Variants in LGALS9 observed in about 807,000 individuals in gnomAD.
LGALS9 encodes the protein galectin 9.
In LGALS9, 26 loss-of-function variants were observed where a neutral mutation model predicts 35.9. That is an observed-to-expected ratio of 0.72 (90% CI 0.53 to 1.01). The LOEUF (loss-of-function observed/expected upper bound fraction) is 1.01. Among genes scored for constraint, LGALS9 ranks in the 50% least tolerant of loss-of-function variants. The pLI, the probability that LGALS9 is intolerant of heterozygous loss-of-function variation, is 0.00. For synonymous variants in LGALS9, 149 were observed against 172.2 expected, an observed-to-expected ratio of 0.87 and a Z score of 1.06; for missense variants, 347 against 445.8, an observed-to-expected ratio of 0.78 and a Z score of 1.99.
At chr17:27,634,999 A>T (rs997853929) in intron 1 of LGALS9, among the ~76,000 whole-genome samples, 2 of 152,132 alleles carry the variant, frequency 1.3e-5, no homozygotes, top group African/African-American at 4.8e-5. Context: ...TTTCTTTTTA[A>T]GGCTACACAG....
At chr17:27,646,820 A>G (rs1490213268) in intron 8 of LGALS9, among the ~76,000 whole-genome samples, 1 of 152,186 alleles carries the variant, frequency 6.6e-6, no homozygotes, top group African/African-American at 2.4e-5. Flanking sequence ...CACCCCACGA[A>G]ACGAGTCTTT....
intron 1 of LGALS9, among the ~76,000 whole-genome samples, chr17:27,635,916 C>T (rs2074445411): frequency 6.6e-6 from 1 of 152,150 alleles, no homozygotes; most frequent in African/African-American, 2.4e-5. Context: ...ACTCTCCTTC[C>T]CCTACACTGC....
At chr17:27,641,052 G>A (rs1484325826) in intron 3 of LGALS9, 6 of 645,548 alleles carry the variant, frequency 9.3e-6, no homozygotes, top group Non-Finnish European at 1.7e-5. Context: ...TGAATTCCAA[G>A]CTCATTCCAT....
intron 1 of LGALS9, among the ~76,000 whole-genome samples, chr17:27,637,795 C>T (rs1040069372): frequency 6.6e-6 from 1 of 152,156 alleles, no homozygotes; most frequent in African/African-American, 2.4e-5. Context: ...CTTGATGGGT[C>T]CCTTTGGTCC....
chr17:27,640,683 C>A lies in LGALS9; in HGVS notation c.243C>A (p.Ser81Arg), dbSNP rs773467163. The A allele has an allele frequency of 6.2e-7, 1 of 1,614,152 alleles. No individual in the cohort carries two copies. Among genetic ancestry groups the A allele is most frequent in the Non-Finnish European group, 8.5e-7 (1 of 1,180,050 alleles). Residue 81 changes from serine to arginine, a missense_variant, in exon 3 of 11, where the codon AGC becomes AGA. Ser to Arg is a moderately radical substitution (Grantham distance 110). Transcript: ENST00000395473. ...TGTGCAACACGAGGCAGAACGGAAG[C>A]TGGGGGCCCGAGGAGAGGAAGACAC... ...YVVCNTRQNG[S>R]WGPEERKTHM...
At chr17:27,646,498 C>T (rs749209890) in intron 7 of LGALS9, 49 bp from the exon 8 acceptor site, 18 of 1,611,456 alleles carry the variant, frequency 1.1e-5, no homozygotes, top group Admixed American at 1.7e-5. Flanking sequence ...GGTGAGTGCT[C>T]GCGCACCCAT....
rs767405449 is a variant in LGALS9, at chr17:27,631,221, C to T, written c.-45C>T. 4 of 1,613,812 alleles carry T rather than the reference C, an allele frequency of 2.5e-6. No individual in the cohort carries two copies. In the Admixed American group the frequency reaches 6.7e-5, roughly 27 times the overall value. On this transcript the variant is annotated 5_prime_UTR_variant, in exon 1 of 11. Transcript: ENST00000395473. ...AGTCGTTCCCTCTACAAAGGACTTC[C>T]TAGTGGGTGTGAAAGGCAGCGGTGG...
intron 2 of LGALS9, among the ~76,000 whole-genome samples, chr17:27,639,972 G>A (rs1356546501): frequency 6.6e-6 from 1 of 152,054 alleles, no homozygotes; most frequent in Non-Finnish European, 1.5e-5. Flanking sequence ...TCCAGACCTC[G>A]TGATCCACAT....
intron 10 of LGALS9, among the ~76,000 whole-genome samples, chr17:27,647,755 G>A (rs1276913556): frequency 1.3e-5 from 2 of 152,328 alleles, no homozygotes; most frequent in Admixed American, 6.5e-5. Flanking sequence ...TTTTCTTGTC[G>A]CCTGCTTTGC....
At chr17:27,643,439 C>T (rs1904671794) in intron 4 of LGALS9, 86 bp from the exon 5 acceptor site, 22 of 1,584,840 alleles carry the variant, frequency 1.4e-5, no homozygotes, top group Middle Eastern at 2.3e-4. Context: ...CCTGGTCTCT[C>T]CCTCTTGCCC....
intron 8 of LGALS9, 141 bp downstream of exon 8, chr17:27,646,729 C>A (rs564796578): frequency 2.8e-5 from 39 of 1,413,172 alleles, no homozygotes; most frequent in South Asian, 2.7e-4. Flanking sequence ...AGCATCCCAG[C>A]GAATTAGAAG....
In LGALS9 at chr17:27,647,075, A is replaced by C; in HGVS notation, c.715A>C (p.Lys239Gln). Reference sequence around the variant, plus strand: ...CATTCTGGGAGGGCTGTACCCATCCAAGTCCATCCTCCTGTCAGGCACTGT... The same window carrying C: ...CATTCTGGGAGGGCTGTACCCATCCCAGTCCATCCTCCTGTCAGGCACTGT... ...TTILGGLYPS[K>Q]SILLSGTVLP... Residue 239 changes from lysine (K) to glutamine (Q), a missense_variant, in exon 9 of 11, where the codon AAG becomes CAG. Physicochemically the swap from Lys to Gln is moderately conservative, Grantham distance 53. Transcript: ENST00000395473. The C allele has an allele frequency of 6.2e-7, 1 of 1,614,092 alleles. No individual in the cohort carries two copies. Among genetic ancestry groups the C allele is most frequent in the East Asian group, 2.2e-5 (1 of 44,886 alleles).
At chr17:27,647,174 A>T (rs1415293534) in intron 9 of LGALS9, 56 bp downstream of exon 9, 22 of 1,613,932 alleles carry the variant, frequency 1.4e-5, no homozygotes, top group Non-Finnish European at 1.8e-5. Flanking sequence ...AGGTCAGTCC[A>T]GCCATTCCCC....
intron 1 of LGALS9, among the ~76,000 whole-genome samples, chr17:27,637,984 T>C (rs980415937): frequency 8.5e-5 from 13 of 152,100 alleles, no homozygotes; most frequent in Non-Finnish European, 7.4e-5. Context: ...CCACTGCCTC[T>C]TAGACTCTCA....
At chr17:27,636,220 G>A (rs1283445740) in intron 1 of LGALS9, among the ~76,000 whole-genome samples, 1 of 152,186 alleles carries the variant, frequency 6.6e-6, no homozygotes, top group Non-Finnish European at 1.5e-5. Context: ...AATTTGGCTG[G>A]TGGGTGTTTT....
At chr17:27,641,532 G>A (rs567511931) in intron 3 of LGALS9, among the ~76,000 whole-genome samples, 8 of 152,254 alleles carry the variant, frequency 5.3e-5, no homozygotes, top group African/African-American at 9.6e-5. Flanking sequence ...GGGCCTGGTC[G>A]GAGAGGGAGA....
rs1364697519 is a variant in LGALS9, at chr17:27,642,276, C to T, written c.372C>T (p.His124=). 1 of 1,612,878 alleles carries T rather than the reference C, an allele frequency of 6.2e-7. No individual in the cohort carries two copies. The highest frequency in any genetic ancestry group is 8.5e-7 in the Non-Finnish European group (1 of 1,179,828). The stretch of plus-strand genomic sequence containing the variant: ...GGATCCTCTTCGTGCAGTACTTCCA[C>T]CGCGTGCCCTTCCACCGTGTGGACA... The part of the protein sequence containing the change: ...VNGILFVQYF[H]RVPFHRVDTI... Residue 124 remains histidine (H), a synonymous_variant, in exon 4 of 11, where the codon CAC becomes CAT. Transcript: ENST00000395473.
At chr17:27,638,738 A>T in intron 2 of LGALS9, 1 of 304,706 alleles carries the variant, frequency 3.3e-6, no homozygotes, top group Non-Finnish European at 6.3e-6. Flanking sequence ...CTGATGTGAA[A>T]ATATTGAAAA....
chr17:27,642,386 G>T (rs751582791), intron 4 of LGALS9, 38 bp downstream of exon 4: 8 of 1,611,374 alleles, frequency 5.0e-6, no homozygotes, highest in South Asian at 3.3e-5. Context: ...CAGGGGCTGG[G>T]ATGCAGGGCC....
Sources: allele counts gnomAD v4.1 joint callset (sites outside exome capture counted in the v4.1 genomes callset), GRCh38; gene constraint gnomAD v4.1.1; transcripts MANE v1.5; gene names NCBI Gene and HGNC (gene_info 2026-07-23, HGNC 2026-07-21).